The following BRIP1 variants were observed in gnomAD, a reference collection of about 807,000 sequenced individuals.
BRIP1 encodes Fanconi anemia group J protein.
In BRIP1, 88 loss-of-function variants were observed where a neutral mutation model predicts 119.7. The ratio of observed to expected loss-of-function variants is 0.74; its 90% CI spans 0.62 to 0.88. The LOEUF is 0.88. BRIP1 is among the 40% of genes least tolerant of loss of function. BRIP1 has a pLI of 0.00. For synonymous variants in BRIP1, 443 were observed against 496.5 expected, an observed-to-expected ratio of 0.89 and a Z score of 1.43; for missense variants, 1,259 against 1,455.4, an observed-to-expected ratio of 0.87 and a Z score of 2.20.
At position 61,861,094 on chromosome 17, in the gene BRIP1, G is replaced by A. The variant is rs1220839975; in HGVS notation, c.93+353C>T. Among the ~76,000 whole-genome samples, 2 of 152,118 alleles carry A rather than the reference G, an allele frequency of 1.3e-5. No homozygotes were observed. The highest frequency in any genetic ancestry group is 6.5e-5 in the Admixed American group (1 of 15,274). On this transcript the variant is annotated intron_variant, in intron 2 of 19. Coordinates refer to ENST00000259008, the MANE Select transcript of BRIP1 (RefSeq NM_032043.3). This position sits in a 1 kb window ranked among gnomAD's most constrained non-coding sequence, Gnocchi z 4.5. ...CTGGAAAGCTGGTTTACTCAAATTTGTATATTAATTTTCTACATGATCCAA... is the reference window on the plus strand; with the variant it reads ...CTGGAAAGCTGGTTTACTCAAATTTATATATTAATTTTCTACATGATCCAA...
intron 6 of BRIP1, among the ~76,000 whole-genome samples, chr17:61,811,943 T>G (rs534558420): frequency 6.6e-6 from 1 of 151,928 alleles, no homozygotes; most frequent in Non-Finnish European, 1.5e-5. Context: ...CAGAGCAAGA[T>G]TCCATCTCAA....
intron 16 of BRIP1, among the ~76,000 whole-genome samples, chr17:61,737,303 G>T (rs1006761179): frequency 6.6e-6 from 1 of 152,096 alleles, no homozygotes; most frequent in African/African-American, 2.4e-5. Flanking sequence ...TTAAAAACCT[G>T]ATCCAACTAT....
chr17:61,838,660 T>G lies in BRIP1; in HGVS notation c.627+8441A>C, dbSNP rs979851596. Among the ~76,000 whole-genome samples the G allele has an allele frequency of 4.0e-5, 6 of 151,820 alleles. No homozygotes were observed. In the South Asian group the frequency reaches 1.2e-3, roughly 31 times the overall value. On this transcript the variant is annotated intron_variant, in intron 6 of 19. Transcript: ENST00000259008. ...GAAGGAACTGGTTTTCACAAAAAAG[T>G]TACTTACCCAAGTCTATCAATTTAC...
In BRIP1 at chr17:61,841,946, G is replaced by A. The variant is rs2078664048; in HGVS notation, c.627+5155C>T. ...TTCTCCTACCTGAGCCTTCCAAAGTGTTGGGATTACTGGTGTGAGCCACCA... is the reference window on the plus strand; with the variant it reads ...TTCTCCTACCTGAGCCTTCCAAAGTATTGGGATTACTGGTGTGAGCCACCA... On this transcript the variant is annotated intron_variant, in intron 6 of 19. Transcript: ENST00000259008. This position sits in a 1 kb window ranked among gnomAD's most constrained non-coding sequence, Gnocchi z 4.1. 6.6e-6 allele frequency among the ~76,000 whole-genome samples: 1 copy of A among 152,102 alleles called. No individual in the cohort carries two copies. Among genetic ancestry groups the A allele is most frequent in the African/African-American group, 2.4e-5 (1 of 41,384 alleles).
Position 61,806,069 on chromosome 17 carries a change from G to A in BRIP1, c.918+2398C>T, listed in dbSNP as rs1345589443. On this transcript the variant is annotated intron_variant, in intron 7 of 19. Coordinates refer to ENST00000259008, the MANE Select transcript of BRIP1 (RefSeq NM_032043.3). This position sits in a 1 kb window ranked among gnomAD's most constrained non-coding sequence, Gnocchi z 4.9. ...CAAAAACACATGTGCCTTGGATCAA[G>A]CCAAAAAATCAGAAAGTTTACACTT... is the stretch of plus-strand genomic sequence containing the variant. 6.6e-6 allele frequency among the ~76,000 whole-genome samples: 1 copy of A among 152,154 alleles called. No individual in the cohort carries two copies. The highest frequency in any genetic ancestry group is 2.4e-5 in the African/African-American group (1 of 41,428).
chr17:61,716,227 G>A (rs1159150284), intron 16 of BRIP1, among the ~76,000 whole-genome samples, 164 bp from the exon 17 acceptor site: 1 of 151,620 alleles, frequency 6.6e-6, no homozygotes, highest in Non-Finnish European at 1.5e-5. Context: ...GTTTTATTTA[G>A]CTTCACATTC....
rs1469183833 is a variant in BRIP1 at position 61,703,930 on chromosome 17, C to T, written c.2493-10418G>A. ...TGAGGACTTAGTCACAAATTCTTTG[C>T]CAAATCTGATGTTTAGAACAGTATT... On this transcript the variant is annotated intron_variant, in intron 17 of 19. Transcript: ENST00000259008. This position sits in a 1 kb window ranked among gnomAD's most constrained non-coding sequence, Gnocchi z 5.0. Among the ~76,000 whole-genome samples, 1 of 152,118 alleles carries T rather than the reference C, an allele frequency of 6.6e-6. No homozygotes were observed. Among genetic ancestry groups the T allele is most frequent in the Non-Finnish European group, 1.5e-5 (1 of 68,012 alleles).
chr17:61,689,056 A>ATGTTATGTTATGTTAT lies in BRIP1; in HGVS notation c.2576-2892_2576-2891insATAACATAACATAACA, dbSNP rs1555573961. On this transcript the variant is annotated intron_variant, in intron 18 of 19. Coordinates refer to ENST00000259008, the MANE Select transcript of BRIP1 (RefSeq NM_032043.3). The surrounding 1 kb of genome is among the most constrained non-coding windows in gnomAD (Gnocchi z 4.5). ...ATGTTATGTTATGTTATGTTATGTTATTTTTTTGAGACAGTCTCGCTCTGT... is the reference window on the plus strand; with the variant it reads ...ATGTTATGTTATGTTATGTTATGTTATGTTATGTTATGTTATTTTTTTTGAGACAGTCTCGCTCTGT... 6.6e-6 allele frequency among the ~76,000 whole-genome samples: 1 copy of ATGTTATGTTATGTTAT among 151,496 alleles called. No homozygotes were observed. Among genetic ancestry groups the ATGTTATGTTATGTTAT allele is most frequent in the Admixed American group, 6.6e-5 (1 of 15,178 alleles).
chr17:61,801,137 C>G lies in BRIP1; in HGVS notation c.1140+116G>C, dbSNP rs114997860. ...TTTTCAGTACTCTAATATGTTTACA[C>G]AAATTTATTTACATAAATTAAAGCA... On this transcript the variant is annotated intron_variant, in intron 8 of 19. Transcript: ENST00000259008. 1,436 of 926,822 alleles carry G rather than the reference C, an allele frequency of 1.5e-3. 12 individuals carry two copies. The African/African-American group carries it at 0.022, about 14-fold the overall frequency. 57.4% of individuals were successfully genotyped at this position (926,822 alleles called of 1,614,324 possible).
Position 61,730,111 on chromosome 17 carries a change from G to A in BRIP1, c.2379+12902C>T, listed in dbSNP as rs935239994. Among the ~76,000 whole-genome samples, 1 of 152,200 alleles carries A rather than the reference G, an allele frequency of 6.6e-6. No homozygotes were observed. Among genetic ancestry groups the A allele is most frequent in the African/African-American group, 2.4e-5 (1 of 41,456 alleles). On this transcript the variant is annotated intron_variant, in intron 16 of 19. Transcript: ENST00000259008. This position sits in a 1 kb window ranked among gnomAD's most constrained non-coding sequence, Gnocchi z 4.3. ...ATAGTCACTGACGCACTGGGGTGATGTGTCCTACAGTTACAAAGTATAAAC... is the reference window on the plus strand; with the variant it reads ...ATAGTCACTGACGCACTGGGGTGATATGTCCTACAGTTACAAAGTATAAAC...
Position 61,804,557 on chromosome 17 carries a change from T to C in BRIP1, c.919-3083A>G, listed in dbSNP as rs1419482118. Among the ~76,000 whole-genome samples, 2 of 151,890 alleles carry C rather than the reference T, an allele frequency of 1.3e-5. No homozygotes were observed. Among genetic ancestry groups the C allele is most frequent in the East Asian group, 1.9e-4 (1 of 5,172 alleles). The stretch of plus-strand genomic sequence containing the variant: ...GCACGCATCACCATGCCCAGCTAAT[T>C]TTTTGTATTTTTAGTAGAGACAGGT... On this transcript the variant is annotated intron_variant, in intron 7 of 19. Transcript: ENST00000259008. The surrounding 1 kb of genome is among the most constrained non-coding windows in gnomAD (Gnocchi z 4.5).
At position 61,744,697 on chromosome 17, in the gene BRIP1, T is replaced by A. The variant is rs2077036801; in HGVS notation, c.2098-106A>T. ...TACGGCAAGTATATTAATCTCTCTG[T>A]GTCTTTTCTCATTTATAAAATGAGG... On this transcript the variant is annotated intron_variant, in intron 14 of 19. Coordinates refer to ENST00000259008, the MANE Select transcript of BRIP1 (RefSeq NM_032043.3). This position sits in a 1 kb window ranked among gnomAD's most constrained non-coding sequence, Gnocchi z 5.0. 6.1e-6 allele frequency: 6 copies of A among 988,346 alleles called. No individual in the cohort carries two copies. In the South Asian group the frequency reaches 8.1e-5, roughly 13 times the overall value. 61.2% of individuals were successfully genotyped at this position (988,346 alleles called of 1,614,324 possible).
In BRIP1 at chr17:61,856,853, T is replaced by C. The variant is rs1247403845; in HGVS notation, c.379+205A>G. Among the ~76,000 whole-genome samples, 1 of 152,224 alleles carries C rather than the reference T, an allele frequency of 6.6e-6. No homozygotes were observed. Among genetic ancestry groups the C allele is most frequent in the Non-Finnish European group, 1.5e-5 (1 of 68,038 alleles). ...AAATTATTTAGGACAACAAAATGTC[T>C]CAATAAATTAAAAGTCAAACCAAGA... On this transcript the variant is annotated intron_variant, in intron 4 of 19. Coordinates refer to ENST00000259008, the MANE Select transcript of BRIP1 (RefSeq NM_032043.3). This position sits in a 1 kb window ranked among gnomAD's most constrained non-coding sequence, Gnocchi z 5.1.
In BRIP1 at chr17:61,739,075, A is replaced by G. The variant is rs1026506323; in HGVS notation, c.2379+3938T>C. 1.2e-5 allele frequency: 2 copies of G among 173,146 alleles called. No homozygotes were observed. Among genetic ancestry groups the G allele is most frequent in the African/African-American group, 2.4e-5 (1 of 42,116 alleles). 10.7% of individuals were successfully genotyped at this position (173,146 alleles called of 1,614,324 possible). A position where few individuals can be genotyped will look rare whatever the true frequency, so the allele number is the denominator to read the frequency against. On this transcript the variant is annotated intron_variant, in intron 16 of 19. Transcript: ENST00000259008. The surrounding 1 kb of genome is among the most constrained non-coding windows in gnomAD (Gnocchi z 6.0). ...GAAATAATTAGTTTTAGGGAACAAA[A>G]TTGTATTTTATTAAGATATTGGAAG... is the stretch of plus-strand genomic sequence containing the variant.
chr17:61,684,253 T>C lies in BRIP1; in HGVS notation c.2906-113A>G. The C allele has an allele frequency of 8.2e-7, 1 of 1,216,650 alleles. No homozygotes were observed. The highest frequency in any genetic ancestry group is 1.1e-6 in the Non-Finnish European group (1 of 881,418). 75.4% of individuals were successfully genotyped at this position (1,216,650 alleles called of 1,614,324 possible). On this transcript the variant is annotated intron_variant, in intron 19 of 19. Transcript: ENST00000259008. The surrounding 1 kb of genome is among the most constrained non-coding windows in gnomAD (Gnocchi z 4.5). ...TAAATAACTGTATAGGATACATAAC[T>C]TAGAGCCCCCAACGAATACTAGTGG...
rs1603274361 is a variant in BRIP1 at position 61,682,896 on chromosome 17, G to C, written c.*400C>G. On this transcript the variant is annotated 3_prime_UTR_variant, in exon 20 of 20. Coordinates refer to ENST00000259008, the MANE Select transcript of BRIP1 (RefSeq NM_032043.3). This position sits in a 1 kb window ranked among gnomAD's most constrained non-coding sequence, Gnocchi z 4.9. ...ACCTGTAATCCCAGCAACTTAGGGAGGCAGAGAAGGGCAGATCACGAGGCC... is the reference window on the plus strand; with the variant it reads ...ACCTGTAATCCCAGCAACTTAGGGACGCAGAGAAGGGCAGATCACGAGGCC... 4.6e-6 allele frequency: 1 copy of C among 215,532 alleles called. No individual in the cohort carries two copies. The highest frequency in any genetic ancestry group is 7.7e-5 in the East Asian group (1 of 12,960). 13.4% of individuals were successfully genotyped at this position (215,532 alleles called of 1,614,324 possible).
intron 10 of BRIP1, among the ~76,000 whole-genome samples, chr17:61,786,197 CGTGTGT>C (rs139960292): frequency 6.7e-6 from 1 of 148,914 alleles, no homozygotes; most frequent in Non-Finnish European, 1.5e-5. Context: ...CATGAGTGAG[CGTGTGT>C]GTGTGTGTGT....
At chr17:61,812,176 T>G (rs1252828909) in intron 6 of BRIP1, among the ~76,000 whole-genome samples, 1 of 152,114 alleles carries the variant, frequency 6.6e-6, no homozygotes, top group East Asian at 1.9e-4. Context: ...AGGCTAATAC[T>G]TTATGGCCTC....
Position 61,803,321 on chromosome 17 carries a change from C to T in BRIP1, c.919-1847G>A, listed in dbSNP as rs796654635. On this transcript the variant is annotated intron_variant, in intron 7 of 19. Coordinates refer to ENST00000259008, the MANE Select transcript of BRIP1 (RefSeq NM_032043.3). The surrounding 1 kb of genome is among the most constrained non-coding windows in gnomAD (Gnocchi z 4.3). ...CTGGTCTTGAACTCCTGAACTCAAG[C>T]GATCCGCCTGCCTCGGCCTCCCAAA... 2.3e-4 allele frequency among the ~76,000 whole-genome samples: 35 copies of T among 152,208 alleles called. No homozygotes were observed. Among genetic ancestry groups the T allele is most frequent in the African/African-American group, 7.2e-4 (30 of 41,548 alleles).
Sources: allele counts gnomAD v4.1 joint callset (sites outside exome capture counted in the v4.1 genomes callset), GRCh38; gene constraint gnomAD v4.1.1; non-coding constraint Gnocchi (gnomAD v3.1); transcripts MANE v1.5; gene names NCBI Gene and HGNC (gene_info 2026-07-23, HGNC 2026-07-21).